The following ZCCHC7 variants were observed in gnomAD, a reference collection of about 807,000 sequenced individuals.
ZCCHC7 encodes zinc finger CCHC-type containing 7.
In ZCCHC7, 35 loss-of-function variants were observed where a neutral mutation model predicts 52.0. The ratio of observed to expected loss-of-function variants is 0.67; its 90% confidence interval spans 0.51 to 0.89. The LOEUF (loss-of-function observed/expected upper bound fraction) is 0.89, where lower values mean the gene tolerates loss of function less well. ZCCHC7 is among the 40% of genes least tolerant of loss of function. The pLI, the probability that ZCCHC7 is intolerant of heterozygous loss-of-function variation, is 0.00. For missense variants in ZCCHC7, 574 were observed against 649.1 expected (o/e 0.88, Z 1.26); for synonymous variants, 217 against 221.5 (o/e 0.98, Z 0.18).
At chr9:37,352,270 C>T (rs191404967) in intron 7 of ZCCHC7, among the ~76,000 whole-genome samples, 98 of 152,238 alleles carry the variant, frequency 6.4e-4, no homozygotes, top group African/African-American at 2.3e-3. Flanking sequence ...CTTACAGATA[C>T]TATTATTGAA....
intron 1 of ZCCHC7, 53 bp downstream of exon 1, chr9:37,120,676 A>C (rs1054436600): frequency 7.9e-6 from 3 of 381,190 alleles, no homozygotes; most frequent in African/African-American, 2.1e-5. Context: ...ACCCCTGCCT[A>C]CCCTCCTTCT....
In ZCCHC7 at chr9:37,300,047, A is replaced by G. The variant is rs1186953138; in HGVS notation, c.611-2141A>G. Among the ~76,000 whole-genome samples the G allele has an allele frequency of 1.3e-5, 2 of 152,206 alleles. 1 individual carries two copies. Among genetic ancestry groups the G allele is most frequent in the Admixed American group, 1.3e-4 (2 of 15,290 alleles). On this transcript the variant is annotated intron_variant, in intron 2 of 8. Coordinates refer to ENST00000336755, the MANE Select transcript of ZCCHC7 (RefSeq NM_032226.3). ...GAGTGTGCAAGGATTTGGTTCTACC[A>G]GGGTAGTCTTGGAACCAATCCCTCA...
intron 2 of ZCCHC7, among the ~76,000 whole-genome samples, chr9:37,262,071 G>A (rs2133449707): frequency 6.6e-6 from 1 of 152,018 alleles, no homozygotes; most frequent in East Asian, 1.9e-4. Context: ...TGATAACAAA[G>A]CAGCTCCATT....
intron 2 of ZCCHC7, among the ~76,000 whole-genome samples, chr9:37,250,669 G>A (rs1826288459): frequency 6.6e-6 from 1 of 152,112 alleles, no homozygotes; most frequent in Non-Finnish European, 1.5e-5. Flanking sequence ...GTACAGTCAA[G>A]TTTTACTTTA....
chr9:37,280,094 T>A (rs904756284), intron 2 of ZCCHC7, among the ~76,000 whole-genome samples: 13 of 149,948 alleles, frequency 8.7e-5, no homozygotes, highest in African/African-American at 3.2e-4. Flanking sequence ...TGAGCTAAGA[T>A]CCCACTACTG....
chr9:37,337,158 C>A (rs954660253), intron 6 of ZCCHC7, among the ~76,000 whole-genome samples: 2 of 152,052 alleles, frequency 1.3e-5, no homozygotes, highest in African/African-American at 4.8e-5. Flanking sequence ...GTCCATATTA[C>A]TATAATCTTA....
Position 37,214,944 on chromosome 9 carries a change from G to T in ZCCHC7, c.611-87244G>T, listed in dbSNP as rs180680793. 3.5e-4 allele frequency among the ~76,000 whole-genome samples: 53 copies of T among 152,130 alleles called. 1 individual carries two copies. The East Asian group carries it at 9.4e-3, about 27-fold the overall frequency. On this transcript the variant is annotated intron_variant, in intron 2 of 8. Coordinates refer to ENST00000336755, the MANE Select transcript of ZCCHC7 (RefSeq NM_032226.3). ...TTCTGATGTAATCTTATAAATCAGG[G>T]TGTAGGAAAATAAAAACTTTATTTT...
intron 2 of ZCCHC7, among the ~76,000 whole-genome samples, chr9:37,141,640 G>A (rs976572903): frequency 4.6e-5 from 7 of 151,858 alleles, no homozygotes; most frequent in African/African-American, 1.4e-4. Flanking sequence ...TTAACAGTAA[G>A]TGGTACTGTT....
chr9:37,317,824 GCCTCCCCC>G (rs1210689524), intron 5 of ZCCHC7, among the ~76,000 whole-genome samples: 1 of 143,958 alleles, frequency 6.9e-6, no homozygotes, highest in Non-Finnish European at 1.5e-5. Flanking sequence ...AGATTTAACT[GCCTCCCCC>G]ACTCCCCCCG....
In ZCCHC7 at chr9:37,140,665, A is replaced by C. The variant is rs368545060; in HGVS notation, c.610+13723A>C. The stretch of plus-strand genomic sequence containing the variant: ...GTTTTATTATCAGATCTAACAGAAG[A>C]AACGTAAGTGTTGTACCACAGGTCA... On this transcript the variant is annotated intron_variant, in intron 2 of 8. Coordinates refer to ENST00000336755, the MANE Select transcript of ZCCHC7 (RefSeq NM_032226.3). Among the ~76,000 whole-genome samples, 8 of 152,092 alleles carry C rather than the reference A, an allele frequency of 5.3e-5. No homozygotes were observed. In the South Asian group the frequency reaches 1.4e-3, roughly 28 times the overall value.
chr9:37,137,896 C>A (rs538271041), intron 2 of ZCCHC7, among the ~76,000 whole-genome samples: 1 of 152,150 alleles, frequency 6.6e-6, no homozygotes, highest in Non-Finnish European at 1.5e-5. Flanking sequence ...TTTCTTGAGA[C>A]ATTTTATACC....
At chr9:37,258,200 A>C (rs533153409) in intron 2 of ZCCHC7, among the ~76,000 whole-genome samples, 3 of 152,224 alleles carry the variant, frequency 2.0e-5, no homozygotes, top group African/African-American at 7.2e-5. Context: ...TCTGTTCCTC[A>C]ATTTCTCCAG....
At chr9:37,199,327 CTTTTTTT>C (rs57881366) in intron 2 of ZCCHC7, among the ~76,000 whole-genome samples, 31 of 129,684 alleles carry the variant, frequency 2.4e-4, no homozygotes, top group African/African-American at 6.1e-4. Context: ...TTTCTTTCTT[CTTTTTTT>C]TTTTTTTTTT....
intron 2 of ZCCHC7, among the ~76,000 whole-genome samples, chr9:37,191,086 A>G (rs1462081941): frequency 6.6e-6 from 1 of 152,128 alleles, no homozygotes; most frequent in African/African-American, 2.4e-5. Flanking sequence ...GTTTCAGGGT[A>G]CACCTTTTAT....
chr9:37,133,561 T>G (rs1354637098), intron 2 of ZCCHC7, among the ~76,000 whole-genome samples: 1 of 151,788 alleles, frequency 6.6e-6, no homozygotes, highest in Non-Finnish European at 1.5e-5. Context: ...TTTTTATTTT[T>G]TATTTTTTTA....
chr9:37,292,554 TATAAG>T (rs1374628590), intron 2 of ZCCHC7, among the ~76,000 whole-genome samples: 3 of 152,162 alleles, frequency 2.0e-5, no homozygotes, highest in Non-Finnish European at 4.4e-5. Context: ...GATAGGGTGT[TATAAG>T]ATAATTAAAT....
intron 1 of ZCCHC7, among the ~76,000 whole-genome samples, chr9:37,122,668 G>A (rs868412053): frequency 3.9e-5 from 6 of 152,318 alleles, no homozygotes; most frequent in Middle Eastern, 3.4e-3. Flanking sequence ...GGCCATGTGC[G>A]GTGGCTCACG....
chr9:37,263,020 A>G (rs915406233), intron 2 of ZCCHC7, among the ~76,000 whole-genome samples: 2 of 152,202 alleles, frequency 1.3e-5, no homozygotes, highest in Admixed American at 6.5e-5. Context: ...TTTTTGTTAC[A>G]TATTTTCTTA....
chr9:37,356,217 C>T (rs890726858), intron 8 of ZCCHC7, among the ~76,000 whole-genome samples: 2 of 152,166 alleles, frequency 1.3e-5, no homozygotes, highest in African/African-American at 2.4e-5. Flanking sequence ...CCCACCTACC[C>T]GTATCAGAAT....
Sources: allele counts gnomAD v4.1 joint callset (sites outside exome capture counted in the v4.1 genomes callset), GRCh38; gene constraint gnomAD v4.1.1; transcripts MANE v1.5; gene names NCBI Gene and HGNC (gene_info 2026-07-23, HGNC 2026-07-21).